The following DISC1 variants were observed in gnomAD, a reference collection of about 807,000 sequenced individuals.
The protein encoded by DISC1 is disrupted in schizophrenia 1 protein.
Under a neutral mutation model 84.5 loss-of-function variants are expected in DISC1, and 57 were observed. That is an observed-to-expected ratio of 0.67 (90% confidence interval 0.55 to 0.84). DISC1 has a LOEUF of 0.84. Ranked by LOEUF, DISC1 falls within the 40% of genes least tolerant of loss-of-function variation. DISC1 has a pLI of 0.00. For missense variants in DISC1, 1,000 were observed against 1,057.8 expected (o/e 0.95, Z 0.76); for synonymous variants, 411 against 415.2 (o/e 0.99, Z 0.12).
rs143995469 is a variant in DISC1 at position 231,967,851 on chromosome 1, C to T, written c.2042+8963C>T. Among the ~76,000 whole-genome samples, 415 of 151,978 alleles carry T rather than the reference C, an allele frequency of 2.7e-3. 3 individuals are homozygous for T. The highest frequency in any genetic ancestry group is 9.1e-3 in the African/African-American group (378 of 41,408). ...AATAATAATGCATAAGCTAAACATA[C>T]GCAGAGAAAAACTGCATAAAATATA... On this transcript the variant is annotated intron_variant, in intron 10 of 12. Transcript: ENST00000439617.
At chr1:231,709,642 T>G (rs1289576167) in intron 3 of DISC1, among the ~76,000 whole-genome samples, 1 of 152,118 alleles carries the variant, frequency 6.6e-6, no homozygotes. Context: ...AGGTTAGGTG[T>G]GATGCTGAAT....
At chr1:231,793,180 CT>C (rs934733785) in intron 6 of DISC1, among the ~76,000 whole-genome samples, 1 of 152,150 alleles carries the variant, frequency 6.6e-6, no homozygotes, top group Non-Finnish European at 1.5e-5. Context: ...AAATTGGCAG[CT>C]TAGCTCCGAT....
intron 9 of DISC1, among the ~76,000 whole-genome samples, chr1:231,856,964 T>C (rs2084315282): frequency 6.6e-6 from 1 of 152,200 alleles, no homozygotes; most frequent in Non-Finnish European, 1.5e-5. Context: ...AAAAGGGGTC[T>C]TCCACCTAGA....
rs112782745 is a variant in DISC1 at position 231,839,399 on chromosome 1, G to A, written c.1981+20882G>A. 5.6e-4 allele frequency among the ~76,000 whole-genome samples: 86 copies of A among 152,294 alleles called. 1 individual carries two copies. Among genetic ancestry groups the A allele is most frequent in the Middle Eastern group, 6.8e-3 (2 of 292 alleles). On this transcript the variant is annotated intron_variant, in intron 9 of 12. Coordinates refer to ENST00000439617, the MANE Select transcript of DISC1 (RefSeq NM_018662.3). ...AACAATCTTGGCTTAGTGCCCTAGCGTATCATAAGGACTCAATAAATATTA... is the reference window on the plus strand; with the variant it reads ...AACAATCTTGGCTTAGTGCCCTAGCATATCATAAGGACTCAATAAATATTA...
At chr1:231,655,253 C>T (rs930323740) in intron 1 of DISC1, among the ~76,000 whole-genome samples, 3 of 152,146 alleles carry the variant, frequency 2.0e-5, no homozygotes, top group African/African-American at 7.2e-5. Flanking sequence ...CCCTCCCACA[C>T]TCCCCTATTC....
At chr1:231,887,036 AT>A (rs2086823871) in intron 9 of DISC1, among the ~76,000 whole-genome samples, 1 of 150,900 alleles carries the variant, frequency 6.6e-6, no homozygotes, top group African/African-American at 2.4e-5. Flanking sequence ...TAATTTTTGT[AT>A]TTTTAGTAGA....
chr1:231,929,575 T>C (rs2090536546), intron 9 of DISC1, among the ~76,000 whole-genome samples: 1 of 152,178 alleles, frequency 6.6e-6, no homozygotes. Flanking sequence ...ACAAGCCTGC[T>C]CTTTAAATAT....
At chr1:231,846,791 G>A (rs2083479585) in intron 9 of DISC1, among the ~76,000 whole-genome samples, 2 of 152,132 alleles carry the variant, frequency 1.3e-5, no homozygotes, top group Admixed American at 6.5e-5. Flanking sequence ...GCAGGATAAC[G>A]TGATAAGGAA....
chr1:231,784,959 C>A (rs1189952130), intron 6 of DISC1, among the ~76,000 whole-genome samples: 2 of 152,020 alleles, frequency 1.3e-5, no homozygotes, highest in Non-Finnish European at 2.9e-5. Flanking sequence ...ATTTATGTAC[C>A]CTGTTGTGCC....
At chr1:231,667,670 T>C (rs2062144562) in intron 1 of DISC1, among the ~76,000 whole-genome samples, 1 of 152,230 alleles carries the variant, frequency 6.6e-6, no homozygotes. Context: ...GAAAGGGCCT[T>C]AGCTATCGTC....
chr1:231,914,441 AAC>A (rs1433353242), intron 9 of DISC1, among the ~76,000 whole-genome samples: 1 of 152,202 alleles, frequency 6.6e-6, no homozygotes, highest in Non-Finnish European at 1.5e-5. Context: ...TTGGGTGGTT[AAC>A]TGGTCATCCT....
At chr1:231,857,768 G>A (rs546633154) in intron 9 of DISC1, among the ~76,000 whole-genome samples, 1 of 152,156 alleles carries the variant, frequency 6.6e-6, no homozygotes, top group Non-Finnish European at 1.5e-5. Context: ...AGAACTAGAC[G>A]GGCCACACTG....
intron 4 of DISC1, 159 bp downstream of exon 4, chr1:231,750,235 G>A: frequency 7.0e-7 from 1 of 1,436,128 alleles, no homozygotes; most frequent in Non-Finnish European, 9.1e-7. Context: ...TTCTTCCAGA[G>A]TGAGAGATGG....
At chr1:231,936,463 C>T (rs566601589) in intron 9 of DISC1, among the ~76,000 whole-genome samples, 11 of 152,016 alleles carry the variant, frequency 7.2e-5, no homozygotes, top group Admixed American at 5.9e-4. Context: ...CTACCCACAC[C>T]GTGAAAAATA....
intron 1 of DISC1, among the ~76,000 whole-genome samples, chr1:231,678,007 G>A (rs895588943): frequency 2.0e-5 from 3 of 151,854 alleles, no homozygotes; most frequent in African/African-American, 4.8e-5. Context: ...ACAACACTTT[G>A]ATTTGCTGTA....
At chr1:231,975,784 T>C (rs1404875843) in intron 10 of DISC1, among the ~76,000 whole-genome samples, 1 of 152,174 alleles carries the variant, frequency 6.6e-6, no homozygotes, top group East Asian at 1.9e-4. Flanking sequence ...TGTGTTCACA[T>C]GGACGTAGAG....
intron 9 of DISC1, among the ~76,000 whole-genome samples, chr1:231,891,214 A>G (rs2087184632): frequency 6.6e-6 from 1 of 152,232 alleles, no homozygotes; most frequent in African/African-American, 2.4e-5. Context: ...TGATGAGCTA[A>G]AAAAGAAAAT....
intron 6 of DISC1, chr1:231,771,282 C>T: frequency 1.0e-6 from 1 of 983,648 alleles, no homozygotes; most frequent in Non-Finnish European, 1.2e-6. Flanking sequence ...CCACTTAACC[C>T]ACTAAATGCC....
intron 12 of DISC1, among the ~76,000 whole-genome samples, chr1:232,027,793 C>CTGTGTGTGTGTGTGTGTGTG (rs35448234): frequency 7.0e-6 from 1 of 143,346 alleles, no homozygotes; most frequent in Non-Finnish European, 1.5e-5. Context: ...ACTTTATGGG[C>CTGTGTGTGTGTGTGTGTGTG]TGTGTGTGTG....
Sources: gnomAD v4.1 joint callset for allele counts (sites outside exome capture counted in the v4.1 genomes callset) on GRCh38, gnomAD v4.1.1 for gene constraint, MANE v1.5 for transcripts, NCBI Gene and HGNC (gene_info 2026-07-23, HGNC 2026-07-21) for gene names.